Variants in UBR2 observed in about 807,000 individuals in gnomAD.
UBR2 encodes ubiquitin protein ligase E3 component n-recognin 2, also known as E3 ubiquitin-protein ligase UBR2.
In UBR2, 92 loss-of-function variants were observed where a neutral mutation model predicts 247.9. The observed-to-expected ratio is 0.37, with a 90% CI of 0.31 to 0.44. The LOEUF (loss-of-function observed/expected upper bound fraction) is 0.44, where lower values mean the gene tolerates loss of function less well. Ranked by LOEUF, UBR2 falls within the 20% of genes least tolerant of loss-of-function variation. UBR2 has a pLI of 1.00. For synonymous variants in UBR2, 672 were observed against 693.5 expected, an observed-to-expected ratio of 0.97 and a Z score of 0.49; for missense variants, 1,613 against 2,112.6, an observed-to-expected ratio of 0.76 and a Z score of 4.64.
At chr6:42,629,213 C>T (rs1582585098) in intron 11 of UBR2, among the ~76,000 whole-genome samples, 1 of 151,942 alleles carries the variant, frequency 6.6e-6, no homozygotes, top group Admixed American at 6.6e-5. Flanking sequence ...GAGGGGGTTT[C>T]GCCATGTTGG....
intron 26 of UBR2, 66 bp from the exon 27 acceptor site, chr6:42,657,958 G>T (rs990071207): frequency 4.1e-6 from 5 of 1,206,274 alleles, no homozygotes; most frequent in Admixed American, 2.0e-5. Context: ...TTATGTTCCT[G>T]TGCGTAGGAA....
Position 42,641,712 on chromosome 6 carries a change from A to T in UBR2, c.2031+20A>T, listed in dbSNP as rs376693549. 6.3e-7 allele frequency: 1 copy of T among 1,591,114 alleles called. No homozygotes were observed. The highest frequency in any genetic ancestry group is 8.6e-7 in the Non-Finnish European group (1 of 1,162,922). On this transcript the variant is annotated intron_variant, in intron 17 of 46. Coordinates refer to ENST00000372901, the MANE Select transcript of UBR2 (RefSeq NM_001363705.2). ...AACCAGGTAAGTGTTTTCTAATTCTATGAAGAGTTTTCATTCCATTCTTGG... is the reference window on the plus strand; with the variant it reads ...AACCAGGTAAGTGTTTTCTAATTCTTTGAAGAGTTTTCATTCCATTCTTGG...
intron 39 of UBR2, 128 bp downstream of exon 39, chr6:42,676,319 T>A: frequency 9.4e-7 from 1 of 1,065,438 alleles, no homozygotes; most frequent in Non-Finnish European, 1.3e-6. Context: ...TTTCTGTGTA[T>A]CTTCATATGA....
intron 8 of UBR2, among the ~76,000 whole-genome samples, chr6:42,614,415 CGTACGTACATATATATGTAT>C (rs1794388596): frequency 2.2e-5 from 2 of 89,222 alleles, no homozygotes; most frequent in African/African-American, 9.6e-5. Flanking sequence ...TATGTATGTA[CGTACGTACATATATATGTAT>C]GTACGTACAT....
At chr6:42,628,432 C>G (rs1211405373) in intron 11 of UBR2, among the ~76,000 whole-genome samples, 1 of 151,894 alleles carries the variant, frequency 6.6e-6, no homozygotes, top group East Asian at 1.9e-4. Context: ...TGGTCAAGAC[C>G]CAGTACTGGC....
rs1426136412 is a variant in UBR2 at position 42,619,442 on chromosome 6, TATATATATATA to T, written c.1281+1936_1281+1946del. The T allele has an allele frequency of 1.0e-3, 37 of 35,896 alleles. 1 individual carries two copies. Among genetic ancestry groups the T allele is most frequent in the Non-Finnish European group, 1.3e-3 (26 of 19,424 alleles). 2.2% of individuals were successfully genotyped at this position (35,896 alleles called of 1,614,324 possible). On this transcript the variant is annotated intron_variant, in intron 11 of 46. Coordinates refer to ENST00000372901, the MANE Select transcript of UBR2 (RefSeq NM_001363705.2). The stretch of plus-strand genomic sequence containing the variant: ...ATATATATATATATATATATATATA[TATATATATATA>T]TTTTTTTTTTTTAGTTCTCTATCTC...
intron 13 of UBR2, 37 bp downstream of exon 13, chr6:42,632,941 T>A: frequency 7.5e-7 from 1 of 1,330,552 alleles, no homozygotes; most frequent in African/African-American, 1.5e-5. Flanking sequence ...TTTTCCTTTT[T>A]TTTTTTTCTC....
At chr6:42,627,061 T>C (rs1795392498) in intron 11 of UBR2, among the ~76,000 whole-genome samples, 1 of 152,100 alleles carries the variant, frequency 6.6e-6, no homozygotes, top group Admixed American at 6.6e-5. Flanking sequence ...AGCTTTATTA[T>C]TACTCAAATC....
At chr6:42,617,618 G>T (rs12332826) in intron 11 of UBR2, 111 bp downstream of exon 11, 11 of 980,254 alleles carry the variant, frequency 1.1e-5, no homozygotes, top group Non-Finnish European at 1.3e-5. Context: ...TTTATTAATG[G>T]GTAATCAGAC....
chr6:42,612,397 AT>A, intron 8 of UBR2, 106 bp downstream of exon 8: 2 of 1,231,668 alleles, frequency 1.6e-6, no homozygotes, highest in Non-Finnish European at 2.1e-6. Context: ...TCCTGCTTTA[AT>A]TTTACATTTT....
chr6:42,615,005 T>C, intron 8 of UBR2, 66 bp from the exon 9 acceptor site: 3 of 1,368,012 alleles, frequency 2.2e-6, no homozygotes, highest in African/African-American at 1.4e-5. Context: ...TTTGAACATC[T>C]ACTAAAATGT....
Position 42,635,527 on chromosome 6 carries a change from A to T in UBR2, c.1655A>T (p.Gln552Leu). 6.2e-7 allele frequency: 1 copy of T among 1,611,180 alleles called. No homozygotes were observed. The highest frequency in any genetic ancestry group is 8.5e-7 in the Non-Finnish European group (1 of 1,177,706). The change falls in exon 14 of 47, where the codon CAG becomes CTG. Residue 552 changes from glutamine to leucine, a missense_variant. Physicochemically the swap from Gln to Leu is moderately radical, Grantham distance 113 (BLOSUM62 -2). Coordinates refer to ENST00000372901, the MANE Select transcript of UBR2 (RefSeq NM_001363705.2). ...TTAACACATGTCATTTCAATGATGC[A>T]GGACTGGTGTGCTTCAGATGTGAGT... ...MKLTHVISMM[Q>L]DWCASDEKVL...
rs751933543 is a variant in UBR2, at chr6:42,573,784, C to G, written c.129C>G (p.Ala43=). 6.2e-7 allele frequency: 1 copy of G among 1,610,104 alleles called. No individual in the cohort carries two copies. The highest frequency in any genetic ancestry group is 8.5e-7 in the Non-Finnish European group (1 of 1,177,796). Residue 43 remains alanine, a synonymous_variant, in exon 2 of 47, where the codon GCC becomes GCG. Transcript: ENST00000372901. ...DLTREVYQHL[A]HYVPKIYCRG... Reference sequence around the variant, plus strand: ...CTAGAGAAGTGTACCAGCATTTAGCCCACTATGTACCCAAAATCTACTGCA... The same window carrying G: ...CTAGAGAAGTGTACCAGCATTTAGCGCACTATGTACCCAAAATCTACTGCA...
chr6:42,687,960 C>G (rs1799537817), intron 44 of UBR2, among the ~76,000 whole-genome samples: 1 of 136,782 alleles, frequency 7.3e-6, no homozygotes, highest in Admixed American at 7.9e-5. Context: ...TTATCTTTTT[C>G]TCCTATTGAT....
chr6:42,679,918 G>T, intron 42 of UBR2, 86 bp downstream of exon 42: 1 of 817,118 alleles, frequency 1.2e-6, no homozygotes. Flanking sequence ...AAATTCTCAA[G>T]TAATGACCCT....
rs1332692355 is a variant in UBR2 at position 42,650,371 on chromosome 6, G to C, written c.2550G>C (p.Arg850Ser). The C allele has an allele frequency of 6.2e-7, 1 of 1,613,514 alleles. No individual in the cohort carries two copies. Among genetic ancestry groups the C allele is most frequent in the Admixed American group, 1.7e-5 (1 of 59,972 alleles). The change falls in exon 23 of 47, where the codon AGG becomes AGC. Residue 850 changes from arginine to serine, a missense_variant. Transcript: ENST00000372901. Reference sequence around the variant, plus strand: ...ACTTGTATTTCTATCACTTTTCAAGGGCAGAACAGTCCAAGGTAATTGGGA... The same window carrying C: ...ACTTGTATTTCTATCACTTTTCAAGCGCAGAACAGTCCAAGGTAATTGGGA... The part of the protein sequence containing the change: ...EFNLYFYHFS[R>S]AEQSKAEEAQ...
At chr6:42,580,418 G>A (rs73438610) in intron 2 of UBR2, among the ~76,000 whole-genome samples, 3,330 of 152,190 alleles carry the variant, frequency 0.022, 113 homozygotes, top group African/African-American at 0.075. Context: ...AAGGCTTTGG[G>A]GTAATCCATT....
intron 23 of UBR2, 56 bp from the exon 24 acceptor site, chr6:42,651,967 A>C (rs1797143114): frequency 6.7e-7 from 1 of 1,489,280 alleles, no homozygotes; most frequent in South Asian, 1.3e-5. Flanking sequence ...AAAATTAACC[A>C]GGTGTGGTGG....
At chr6:42,669,610 A>AT (rs957578645) in intron 34 of UBR2, among the ~76,000 whole-genome samples, 5 of 152,160 alleles carry the variant, frequency 3.3e-5, no homozygotes, top group African/African-American at 1.2e-4. Context: ...TTGGATAACT[A>AT]TTTAAGCATA....
Sources: allele counts gnomAD v4.1 joint callset (sites outside exome capture counted in the v4.1 genomes callset), GRCh38; gene constraint gnomAD v4.1.1; transcripts MANE v1.5; gene names NCBI Gene and HGNC (gene_info 2026-07-23, HGNC 2026-07-21).